Variants in FNDC3B observed in about 807,000 individuals in gnomAD.
The protein encoded by FNDC3B is fibronectin type III domain-containing protein 3B.
Under a neutral mutation model 151.5 loss-of-function variants are expected in FNDC3B, and 12 were observed. That is an observed-to-expected ratio of 0.08 (90% confidence interval 0.05 to 0.13). FNDC3B has a LOEUF of 0.13. Among genes scored for constraint, FNDC3B ranks in the 10% least tolerant of loss-of-function variants. The pLI is 1.00. For missense variants in FNDC3B, 1,214 were observed against 1,505.3 expected, an observed-to-expected ratio of 0.81 and a Z score of 3.20; for synonymous variants, 528 against 549.0, an observed-to-expected ratio of 0.96 and a Z score of 0.54.
intron 21 of FNDC3B, among the ~76,000 whole-genome samples, chr3:172,349,999 G>A (rs1733787182): frequency 6.6e-6 from 1 of 152,084 alleles, no homozygotes; most frequent in Admixed American, 6.5e-5. Flanking sequence ...CTATAGTTCT[G>A]TAACATGTTT....
At chr3:172,115,075 A>G (rs2108544395) in intron 2 of FNDC3B, among the ~76,000 whole-genome samples, 1 of 152,290 alleles carries the variant, frequency 6.6e-6, no homozygotes, top group Admixed American at 6.5e-5. Context: ...ATGCTTTGTC[A>G]TTGCCTCTAC....
Position 172,400,730 on chromosome 3 carries a change from T to G in FNDC3B, c.*3255T>G, listed in dbSNP as rs973693885. ...AGGGTTTTTCTGCCATGACTAGGAT[T>G]GCTTTTGTTGTTGTTGTTGTTGTTT... On this transcript the variant is annotated 3_prime_UTR_variant, in exon 26 of 26. Coordinates refer to ENST00000415807, the MANE Select transcript of FNDC3B (RefSeq NM_022763.4). 1.3e-5 allele frequency: 2 copies of G among 151,858 alleles called. No individual in the cohort carries two copies. Among genetic ancestry groups the G allele is most frequent in the African/African-American group, 2.4e-5 (1 of 41,320 alleles). The allele number at this position is 151,858 out of a possible 1,614,324, so 9.4% of individuals were successfully genotyped here. A position where few individuals can be genotyped will look rare whatever the true frequency, so the allele number is the denominator to read the frequency against.
chr3:172,218,506 C>T (rs1008128152), intron 3 of FNDC3B, among the ~76,000 whole-genome samples: 2 of 152,188 alleles, frequency 1.3e-5, no homozygotes, highest in Admixed American at 1.3e-4. Flanking sequence ...CATTTGGCCT[C>T]TGTGGTGAAT....
At chr3:172,052,443 C>A (rs76507764) in intron 1 of FNDC3B, among the ~76,000 whole-genome samples, 2 of 152,142 alleles carry the variant, frequency 1.3e-5, no homozygotes, top group Admixed American at 6.5e-5. Context: ...TCTCCTCCCC[C>A]AAATGTGCCT....
At chr3:172,322,592 T>C (rs1473241894) in intron 11 of FNDC3B, among the ~76,000 whole-genome samples, 2 of 152,332 alleles carry the variant, frequency 1.3e-5, no homozygotes, top group African/African-American at 2.4e-5. Flanking sequence ...TTAACAAATA[T>C]TTTTTTCTTT....
intron 16 of FNDC3B, among the ~76,000 whole-genome samples, chr3:172,340,343 C>T (rs1223115277): frequency 1.3e-5 from 2 of 149,366 alleles, no homozygotes; most frequent in African/African-American, 2.5e-5. Context: ...TGGTGTGCAA[C>T]GGCGCAATCT....
intron 3 of FNDC3B, among the ~76,000 whole-genome samples, chr3:172,192,951 G>T (rs1453521708): frequency 6.6e-6 from 1 of 152,092 alleles, no homozygotes; most frequent in Non-Finnish European, 1.5e-5. Flanking sequence ...TTTATTATCT[G>T]TAGAGTTTCA....
chr3:172,341,367 A>G (rs971406480), intron 17 of FNDC3B, 136 bp downstream of exon 17: 21 of 720,526 alleles, frequency 2.9e-5, no homozygotes, highest in Non-Finnish European at 4.8e-5. Flanking sequence ...AGGAAATGAA[A>G]AATAGAGCTT....
At chr3:172,309,931 G>A (rs993597205) in intron 10 of FNDC3B, among the ~76,000 whole-genome samples, 7 of 152,276 alleles carry the variant, frequency 4.6e-5, no homozygotes, top group South Asian at 2.1e-4. Flanking sequence ...GGGAAGCTGA[G>A]CTGCCTTTTG....
intron 1 of FNDC3B, among the ~76,000 whole-genome samples, chr3:172,070,311 C>G (rs1203894743): frequency 6.6e-6 from 1 of 152,080 alleles, no homozygotes; most frequent in Non-Finnish European, 1.5e-5. Context: ...TTTCGAAAGT[C>G]TTAAAAAATA....
intron 22 of FNDC3B, among the ~76,000 whole-genome samples, chr3:172,358,831 T>G (rs186503926): frequency 1.3e-5 from 2 of 152,280 alleles, no homozygotes; most frequent in African/African-American, 4.8e-5. Context: ...CTGTCCCCAA[T>G]TTATAGATAA....
rs60122834 is a variant in FNDC3B at position 172,362,613 on chromosome 3, T to G, written c.2796-20T>G. ...CTGCTTTAACCTGCATTGTCTGTAT[T>G]TTTTTTTTCCTTTCTCTAGGATCAG... On this transcript the variant is annotated intron_variant, in intron 22 of 25. Transcript: ENST00000415807. The G allele has an allele frequency of 5.8e-3, 9,094 of 1,568,432 alleles. 453 individuals are homozygous for G. In the African/African-American group the frequency reaches 0.11, roughly 19 times the overall value.
chr3:172,336,742 A>C (rs983738543), intron 15 of FNDC3B, among the ~76,000 whole-genome samples: 6 of 152,010 alleles, frequency 3.9e-5, no homozygotes, highest in African/African-American at 1.5e-4. Context: ...CTCTACTAAA[A>C]ATACAAAAAA....
chr3:172,381,587 A>G (rs1364898538), intron 25 of FNDC3B, among the ~76,000 whole-genome samples: 1 of 152,004 alleles, frequency 6.6e-6, no homozygotes, highest in East Asian at 1.9e-4. Context: ...TGTCATCTAC[A>G]TTAGGTATTT....
intron 6 of FNDC3B, among the ~76,000 whole-genome samples, chr3:172,260,534 G>T (rs1225934047): frequency 2.0e-5 from 3 of 152,200 alleles, no homozygotes; most frequent in African/African-American, 7.2e-5. Context: ...TAGTGGTATT[G>T]GTGAAGAAAG....
At chr3:172,158,680 T>C (rs988713824) in intron 3 of FNDC3B, among the ~76,000 whole-genome samples, 1 of 152,232 alleles carries the variant, frequency 6.6e-6, no homozygotes, top group Non-Finnish European at 1.5e-5. Context: ...TTTCCTCTTA[T>C]GGTTTTGGTG....
In FNDC3B at chr3:172,341,150, C is replaced by G. The variant is rs140399271; in HGVS notation, c.1890C>G (p.Thr630=). 7 of 1,614,012 alleles carry G rather than the reference C, an allele frequency of 4.3e-6. No individual in the cohort carries two copies. In the Admixed American group the frequency reaches 1.2e-4, roughly 27 times the overall value. ...AAGTGGCCTACAGTGGGTCGGCTAC[C>G]GAATACACCTTCACCCACTTGAAAC... ...QWEVAYSGSA[T]EYTFTHLKPG... The change falls in exon 17 of 26, where the codon ACC becomes ACG. Residue 630 remains threonine, a synonymous_variant. Transcript: ENST00000415807.
intron 22 of FNDC3B, among the ~76,000 whole-genome samples, chr3:172,361,521 C>T (rs528909871): frequency 1.3e-5 from 2 of 152,308 alleles, no homozygotes; most frequent in South Asian, 4.1e-4. Context: ...GCTCCAGTTC[C>T]CAAAAGTTCC....
At chr3:172,357,530 A>G (rs924194421) in intron 22 of FNDC3B, among the ~76,000 whole-genome samples, 17 of 152,140 alleles carry the variant, frequency 1.1e-4, no homozygotes, top group African/African-American at 3.9e-4. Flanking sequence ...CCTCAGGTTA[A>G]TGTTTGTTTT....
Sources: gnomAD v4.1 joint callset for allele counts (sites outside exome capture counted in the v4.1 genomes callset) on GRCh38, gnomAD v4.1.1 for gene constraint, MANE v1.5 for transcripts, NCBI Gene and HGNC (gene_info 2026-07-23, HGNC 2026-07-21) for gene names.